SLC4A4: variants seen among roughly 807,000 people sequenced by gnomAD.
The protein encoded by SLC4A4 is solute carrier family 4 member 4.
SLC4A4 carries 27 observed loss-of-function variants against 111.5 expected under a neutral mutation model. That is an observed-to-expected ratio of 0.24 (90% CI 0.18 to 0.33). The LOEUF (loss-of-function observed/expected upper bound fraction) is 0.33, where lower values mean the gene tolerates loss of function less well. Among genes scored for constraint, SLC4A4 ranks in the 10% least tolerant of loss-of-function variants. The probability of loss-of-function intolerance (pLI) is 1.00; values close to 1 mark genes in which losing one functional copy is unlikely to be tolerated. For synonymous variants in SLC4A4, 443 were observed against 463.4 expected (o/e 0.96, Z 0.57); for missense variants, 909 against 1,315.5 (o/e 0.69, Z 4.78).
Position 71,569,963 on chromosome 4 carries a change from A to C in SLC4A4, c.*2212A>C, listed in dbSNP as rs1165752589. 1 of 151,782 alleles carries C rather than the reference A, an allele frequency of 6.6e-6. No individual in the cohort carries two copies. Among genetic ancestry groups the C allele is most frequent in the Non-Finnish European group, 1.5e-5 (1 of 67,814 alleles). 9.4% of individuals were successfully genotyped at this position (151,782 alleles called of 1,614,324 possible). On this transcript the variant is annotated 3_prime_UTR_variant, in exon 26 of 26. Coordinates refer to ENST00000264485, the MANE Select transcript of SLC4A4 (RefSeq NM_001098484.3). The stretch of plus-strand genomic sequence containing the variant: ...ATTTGTATTTAGGGCTATCCTTAAA[A>C]TGATGAGTCTATATTATCTAGCTTT...
chr4:71,328,229 G>A (rs1727659013), intron 3 of SLC4A4, among the ~76,000 whole-genome samples: 2 of 152,118 alleles, frequency 1.3e-5, no homozygotes, highest in Admixed American at 6.6e-5. Context: ...TTCATCTGTT[G>A]ATGCTCACTT....
Position 71,555,226 on chromosome 4 carries a change from A to C in SLC4A4, c.2763+18A>C, listed in dbSNP as rs773162632. ...GTGTGCAGGTAAGTTTTTGAATAGC[A>C]ATGTAAGTACAGTAGTGTTTTTCTA... On this transcript the variant is annotated intron_variant, in intron 21 of 25. Coordinates refer to ENST00000264485, the MANE Select transcript of SLC4A4 (RefSeq NM_001098484.3). 2.0e-6 allele frequency: 3 copies of C among 1,520,660 alleles called. No homozygotes were observed. In the East Asian group the frequency reaches 6.8e-5, roughly 34 times the overall value. The allele number at this position is 1,520,660 out of a possible 1,614,324, so 94.2% of individuals were successfully genotyped here. A position where few individuals can be genotyped will look rare whatever the true frequency, so the allele number is the denominator to read the frequency against.
chr4:71,555,997 T>G (rs1428392354), intron 21 of SLC4A4, among the ~76,000 whole-genome samples: 1 of 151,954 alleles, frequency 6.6e-6, no homozygotes, highest in Non-Finnish European at 1.5e-5. Context: ...AACTGTAGCC[T>G]TATTTAGCAC....
chr4:71,509,996 T>C (rs1731769322), intron 16 of SLC4A4, among the ~76,000 whole-genome samples: 1 of 152,160 alleles, frequency 6.6e-6, no homozygotes, highest in African/African-American at 2.4e-5. Context: ...TGCCATGCCA[T>C]AGCACCTTAG....
chr4:71,420,324 T>TA (rs1308539616), intron 7 of SLC4A4, among the ~76,000 whole-genome samples: 4 of 152,174 alleles, frequency 2.6e-5, no homozygotes, highest in African/African-American at 9.6e-5. Flanking sequence ...CTCCAAGAAA[T>TA]ATGGGACTAT....
chr4:71,358,995 A>G (rs1416802500), intron 6 of SLC4A4, among the ~76,000 whole-genome samples: 1 of 152,166 alleles, frequency 6.6e-6, no homozygotes, highest in Non-Finnish European at 1.5e-5. Context: ...ATACTGCTAT[A>G]TTTTCAAAAA....
intron 14 of SLC4A4, among the ~76,000 whole-genome samples, chr4:71,473,835 T>A (rs1187820637): frequency 6.6e-6 from 1 of 151,888 alleles, no homozygotes; most frequent in Non-Finnish European, 1.5e-5. Context: ...TTGTTTTAGA[T>A]CTTCTCTCAT....
At chr4:71,271,076 C>A (rs1474290548) in intron 3 of SLC4A4, among the ~76,000 whole-genome samples, 1 of 152,154 alleles carries the variant, frequency 6.6e-6, no homozygotes, top group Non-Finnish European at 1.5e-5. Context: ...CGTTTGCCTG[C>A]AGGGGTCCTC....
rs189724906 is a variant in SLC4A4, at chr4:71,547,231, T to C, written c.2622-417T>C. Among the ~76,000 whole-genome samples, 624 of 152,120 alleles carry C rather than the reference T, an allele frequency of 4.1e-3. 1 individual carries two copies. The highest frequency in any genetic ancestry group is 7.3e-3 in the Admixed American group (112 of 15,246). On this transcript the variant is annotated intron_variant, in intron 19 of 25. Coordinates refer to ENST00000264485, the MANE Select transcript of SLC4A4 (RefSeq NM_001098484.3). The stretch of plus-strand genomic sequence containing the variant: ...TTGTGCTAATGAAATTTCCTTGAGC[T>C]GTTTGTTAATTGGAATATGGGACAA...
At chr4:71,521,423 G>A (rs1732921737) in intron 16 of SLC4A4, among the ~76,000 whole-genome samples, 1 of 151,768 alleles carries the variant, frequency 6.6e-6, no homozygotes, top group African/African-American at 2.4e-5. Flanking sequence ...TTGTAGAGAT[G>A]GGGTGTTACT....
At chr4:71,368,916 C>T (rs1319894585) in intron 6 of SLC4A4, among the ~76,000 whole-genome samples, 2 of 152,026 alleles carry the variant, frequency 1.3e-5, no homozygotes, top group Non-Finnish European at 2.9e-5. Flanking sequence ...TCATTGTTCT[C>T]CTTTAACCCG....
At chr4:71,336,801 C>T (rs981811773) in intron 3 of SLC4A4, among the ~76,000 whole-genome samples, 1 of 152,228 alleles carries the variant, frequency 6.6e-6, no homozygotes, top group African/African-American at 2.4e-5. Flanking sequence ...CCTCTAACTG[C>T]ATATACAGAG....
Position 71,242,146 on chromosome 4 carries a change from T to C in SLC4A4, c.73+5497T>C, listed in dbSNP as rs939832854. Among the ~76,000 whole-genome samples, 7 of 152,234 alleles carry C rather than the reference T, an allele frequency of 4.6e-5. No homozygotes were observed. In the East Asian group the frequency reaches 1.3e-3, roughly 29 times the overall value. On this transcript the variant is annotated intron_variant, in intron 2 of 25. Transcript: ENST00000264485. Reference sequence around the variant, plus strand: ...TAGTATAGTATCGGCCAAAGCCCTCTTGAAGCCATTTCCTATCCTAGGTGT... The same window carrying C: ...TAGTATAGTATCGGCCAAAGCCCTCCTGAAGCCATTTCCTATCCTAGGTGT...
intron 7 of SLC4A4, among the ~76,000 whole-genome samples, chr4:71,432,476 C>T (rs1723728131): frequency 6.6e-6 from 1 of 151,784 alleles, no homozygotes; most frequent in Non-Finnish European, 1.5e-5. Context: ...TTTTTTAGGC[C>T]CTTCCCATGG....
At chr4:71,256,270 A>G (rs1228092828) in intron 3 of SLC4A4, among the ~76,000 whole-genome samples, 6 of 152,200 alleles carry the variant, frequency 3.9e-5, no homozygotes, top group Non-Finnish European at 7.3e-5. Flanking sequence ...CTGCAATAAA[A>G]TGCATTATGG....
intron 2 of SLC4A4, among the ~76,000 whole-genome samples, chr4:71,132,040 G>A (rs994817486): frequency 3.9e-5 from 6 of 151,976 alleles, no homozygotes; most frequent in East Asian, 1.9e-4. Flanking sequence ...TGGTGATGAC[G>A]GCATATCTTT....
chr4:71,461,645 G>A (rs1032504105), intron 12 of SLC4A4, among the ~76,000 whole-genome samples: 3 of 152,012 alleles, frequency 2.0e-5, no homozygotes, highest in Non-Finnish European at 4.4e-5. Flanking sequence ...ATTGTGGTTG[G>A]CTTTTAATTT....
At chr4:71,405,796 T>C (rs914253745) in intron 7 of SLC4A4, among the ~76,000 whole-genome samples, 2 of 152,212 alleles carry the variant, frequency 1.3e-5, no homozygotes, top group African/African-American at 4.8e-5. Flanking sequence ...TCTCAGTATC[T>C]AGCATTTGCC....
Position 71,571,163 on chromosome 4 carries a change from A to C in SLC4A4, c.*3412A>C, listed in dbSNP as rs1362481138. On this transcript the variant is annotated 3_prime_UTR_variant, in exon 26 of 26. Transcript: ENST00000264485. ...TTTTTAACTGTGTTAAAGTACTTGA[A>C]ATGTATTGACTGCTGACTATATTTT... 1 of 152,232 alleles carries C rather than the reference A, an allele frequency of 6.6e-6. No individual in the cohort carries two copies. Among genetic ancestry groups the C allele is most frequent in the Non-Finnish European group, 1.5e-5 (1 of 67,864 alleles). The allele number at this position is 152,232 out of a possible 1,614,324, so 9.4% of individuals were successfully genotyped here.
Sources: allele counts gnomAD v4.1 joint callset (sites outside exome capture counted in the v4.1 genomes callset), GRCh38; gene constraint gnomAD v4.1.1; transcripts MANE v1.5; gene names NCBI Gene and HGNC (gene_info 2026-07-23, HGNC 2026-07-21).